Variants in CDH10 observed in about 807,000 individuals in gnomAD.
The protein encoded by CDH10 is cadherin 10, also known as cadherin-10.
CDH10 carries 30 observed loss-of-function variants against 73.1 expected under a neutral mutation model. That is an observed-to-expected ratio of 0.41 (90% CI 0.31 to 0.56). The LOEUF is 0.56. Among genes scored for constraint, CDH10 ranks in the 20% least tolerant of loss-of-function variants. The pLI is 0.27. For synonymous variants in CDH10, 345 were observed against 348.2 expected (o/e 0.99, Z 0.10); for missense variants, 815 against 973.7 (o/e 0.84, Z 2.17).
intron 5 of CDH10, among the ~76,000 whole-genome samples, chr5:24,515,536 AT>A (rs1217772645): frequency 3.3e-5 from 5 of 152,222 alleles, no homozygotes; most frequent in Non-Finnish European, 7.3e-5. Context: ...ACAATCACTT[AT>A]GTAAAGTTTA....
intron 2 of CDH10, 146 bp downstream of exon 2, chr5:24,593,114 G>A (rs1013864668): frequency 3.1e-5 from 17 of 550,324 alleles, no homozygotes; most frequent in Non-Finnish European, 5.2e-5. Context: ...TTATCAAATT[G>A]GAATTCGTGT....
At chr5:24,569,232 T>A (rs527631177) in intron 2 of CDH10, among the ~76,000 whole-genome samples, 120 of 152,206 alleles carry the variant, frequency 7.9e-4, no homozygotes, top group Non-Finnish European at 1.3e-3. Flanking sequence ...AATAGCATAG[T>A]GGTTACTATG....
intron 1 of CDH10, among the ~76,000 whole-genome samples, chr5:24,634,699 T>C (rs1747812401): frequency 6.6e-6 from 1 of 151,744 alleles, no homozygotes; most frequent in Non-Finnish European, 1.5e-5. Flanking sequence ...TCAGCTAGGT[T>C]TAGGAGTCTC....
intron 1 of CDH10, among the ~76,000 whole-genome samples, chr5:24,621,471 G>T (rs1747314794): frequency 6.6e-6 from 1 of 152,172 alleles, no homozygotes; most frequent in Non-Finnish European, 1.5e-5. Context: ...CTCACTGTCA[G>T]CAAGAAGCTT....
At chr5:24,514,277 A>G (rs1000601529) in intron 5 of CDH10, among the ~76,000 whole-genome samples, 2 of 152,106 alleles carry the variant, frequency 1.3e-5, no homozygotes. Flanking sequence ...GATTGTTCCC[A>G]TTATACTTAA....
intron 2 of CDH10, among the ~76,000 whole-genome samples, chr5:24,542,911 C>T (rs1356730701): frequency 6.6e-6 from 1 of 152,258 alleles, no homozygotes; most frequent in East Asian, 1.9e-4. Context: ...CTCCTAAAAC[C>T]ATCACCTTAG....
chr5:24,632,905 T>A (rs768816435), intron 1 of CDH10, among the ~76,000 whole-genome samples: 1 of 151,788 alleles, frequency 6.6e-6, no homozygotes, highest in Non-Finnish European at 1.5e-5. Flanking sequence ...ATGATGATGA[T>A]GATAATGATG....
intron 1 of CDH10, among the ~76,000 whole-genome samples, chr5:24,628,367 G>C (rs1033183116): frequency 1.3e-5 from 2 of 152,140 alleles, no homozygotes; most frequent in Admixed American, 6.6e-5. Flanking sequence ...ATCTTCACTG[G>C]AAATGTAGTG....
intron 1 of CDH10, among the ~76,000 whole-genome samples, chr5:24,615,878 T>C (rs1395773763): frequency 1.3e-5 from 2 of 152,162 alleles, no homozygotes; most frequent in Non-Finnish European, 2.9e-5. Flanking sequence ...TCAACCTTAG[T>C]AGGTGTTCAT....
At chr5:24,636,403 G>A (rs1161564821) in intron 1 of CDH10, among the ~76,000 whole-genome samples, 1 of 151,950 alleles carries the variant, frequency 6.6e-6, no homozygotes, top group Non-Finnish European at 1.5e-5. Flanking sequence ...GGAAATCTCA[G>A]TGCTTCTAGA....
At chr5:24,609,918 C>T (rs1036541167) in intron 1 of CDH10, 2 of 152,266 alleles carry the variant, frequency 1.3e-5, no homozygotes, top group African/African-American at 4.8e-5. Flanking sequence ...CAAGTCTTCC[C>T]CTGCCATTCA....
At chr5:24,573,700 CAA>C (rs529427692) in intron 2 of CDH10, among the ~76,000 whole-genome samples, 6 of 73,138 alleles carry the variant, frequency 8.2e-5, no homozygotes, top group Admixed American at 1.6e-4. Flanking sequence ...GACTCCATCT[CAA>C]AAAAAAAAAA....
rs754258095 is a variant in CDH10 at position 24,535,097 on chromosome 5, T to C, written c.814+15A>G. 44 of 1,584,740 alleles carry C rather than the reference T, an allele frequency of 2.8e-5. No homozygotes were observed. In the East Asian group the frequency reaches 9.3e-4, roughly 34 times the overall value. Reference sequence around the variant, plus strand: ...AATCTTTTGCCCGGCAGAATGACCATTAAAGGGTGCTTACTCTGGGGGAAA... The same window carrying C: ...AATCTTTTGCCCGGCAGAATGACCACTAAAGGGTGCTTACTCTGGGGGAAA... On this transcript the variant is annotated intron_variant, in intron 5 of 11. Transcript: ENST00000264463.
chr5:24,616,002 CA>C (rs1439308761), intron 1 of CDH10, among the ~76,000 whole-genome samples: 1 of 151,918 alleles, frequency 6.6e-6, no homozygotes, highest in African/African-American at 2.4e-5. Flanking sequence ...TTAATTACCC[CA>C]AATCATATAA....
Position 24,487,569 on chromosome 5 carries a change from G to T in CDH10, c.*94C>A. On this transcript the variant is annotated 3_prime_UTR_variant, in exon 12 of 12. Transcript: ENST00000264463. ...AATGAGAAAAAAAATTGTGCTGACT[G>T]GCAGGAAAATGCTCCTGAATATCAA... The T allele has an allele frequency of 8.0e-7, 1 of 1,255,912 alleles. No homozygotes were observed. Among genetic ancestry groups the T allele is most frequent in the Non-Finnish European group, 1.1e-6 (1 of 899,856 alleles). 77.8% of individuals were successfully genotyped at this position (1,255,912 alleles called of 1,614,324 possible). A position where few individuals can be genotyped will look rare whatever the true frequency, so the allele number is the denominator to read the frequency against.
At chr5:24,596,328 G>A (rs942408756) in intron 1 of CDH10, among the ~76,000 whole-genome samples, 7 of 151,562 alleles carry the variant, frequency 4.6e-5, no homozygotes, top group Non-Finnish European at 7.4e-5. Context: ...GTCAGTCAAT[G>A]CATTGCTTTG....
chr5:24,549,222 A>G (rs1461360946), intron 2 of CDH10, among the ~76,000 whole-genome samples: 1 of 152,170 alleles, frequency 6.6e-6, no homozygotes, highest in Admixed American at 6.5e-5. Context: ...AAGCACAATC[A>G]AAAGCTGCAA....
chr5:24,599,061 C>A (rs965781698), intron 1 of CDH10, among the ~76,000 whole-genome samples: 2 of 152,118 alleles, frequency 1.3e-5, no homozygotes, highest in Non-Finnish European at 2.9e-5. Flanking sequence ...ACTCTCTGAG[C>A]AACCTTTTTA....
At chr5:24,529,833 G>A (rs921897097) in intron 5 of CDH10, among the ~76,000 whole-genome samples, 3 of 151,724 alleles carry the variant, frequency 2.0e-5, no homozygotes, top group African/African-American at 7.3e-5. Context: ...AACCTAAATT[G>A]TGTGCAATAA....
Sources: allele counts gnomAD v4.1 joint callset (sites outside exome capture counted in the v4.1 genomes callset), GRCh38; gene constraint gnomAD v4.1.1; transcripts MANE v1.5; gene names NCBI Gene and HGNC (gene_info 2026-07-23, HGNC 2026-07-21).